The following CFAP61 variants were observed in gnomAD, a reference collection of about 807,000 sequenced individuals.
The protein encoded by CFAP61 is cilia and flagella associated protein 61, also known as cilia- and flagella-associated protein 61.
CFAP61 carries 107 observed loss-of-function variants against 135.6 expected under a neutral mutation model. The observed-to-expected ratio is 0.79, with a 90% CI of 0.67 to 0.93. The LOEUF is 0.93. Ranked by LOEUF, CFAP61 falls within the 40% of genes least tolerant of loss-of-function variation. The probability of loss-of-function intolerance (pLI) is 0.00; values close to 1 mark genes in which losing one functional copy is unlikely to be tolerated. For missense variants in CFAP61, 1,507 were observed against 1,556.2 expected (o/e 0.97, Z 0.53); for synonymous variants, 575 against 578.5 (o/e 0.99, Z 0.09).
In CFAP61 at chr20:20,252,714, G is replaced by C. The variant is rs6112839; in HGVS notation, c.2328+951G>C. Among the ~76,000 whole-genome samples the C allele has an allele frequency of 3.5e-3, 538 of 152,350 alleles. 5 individuals are homozygous for C. Among genetic ancestry groups the C allele is most frequent in the African/African-American group, 0.012 (491 of 41,582 alleles). ...TAGTTGTGGGATTCGATGCGAGCCT[G>C]TGTATGACAGTTTTCCTTCACGTCG... On this transcript the variant is annotated intron_variant, in intron 20 of 26. Coordinates refer to ENST00000245957, the MANE Select transcript of CFAP61 (RefSeq NM_015585.4).
intron 25 of CFAP61, among the ~76,000 whole-genome samples, chr20:20,329,727 G>A (rs1447835135): frequency 6.6e-6 from 1 of 152,254 alleles, no homozygotes; most frequent in African/African-American, 2.4e-5. Flanking sequence ...CGTTAGAGCA[G>A]TCAAACCACC....
At chr20:20,188,151 A>G (rs1474566933) in intron 14 of CFAP61, 95 bp downstream of exon 14, 1 of 1,326,786 alleles carries the variant, frequency 7.5e-7, no homozygotes, top group African/African-American at 1.5e-5. Context: ...TGAGTTGGAA[A>G]ATCATATGGC....
intron 7 of CFAP61, 133 bp downstream of exon 7, chr20:20,091,109 TC>T: frequency 1.0e-6 from 1 of 998,552 alleles, no homozygotes; most frequent in Non-Finnish European, 1.5e-6. Flanking sequence ...CCACTGCCCT[TC>T]CAGGTGGTGC....
At chr20:20,111,749 G>T (rs1270727956) in intron 8 of CFAP61, among the ~76,000 whole-genome samples, 1 of 152,132 alleles carries the variant, frequency 6.6e-6, no homozygotes, top group Non-Finnish European at 1.5e-5. Context: ...CGAAATTGTT[G>T]TAAGTTATAG....
At chr20:20,247,555 T>G (rs1381567892) in intron 19 of CFAP61, among the ~76,000 whole-genome samples, 2 of 152,196 alleles carry the variant, frequency 1.3e-5, no homozygotes, top group Non-Finnish European at 1.5e-5. Context: ...GTATTTACAT[T>G]TAAATTATTA....
At chr20:20,147,650 TG>T (rs2052006384) in intron 9 of CFAP61, among the ~76,000 whole-genome samples, 1 of 152,208 alleles carries the variant, frequency 6.6e-6, no homozygotes, top group African/African-American at 2.4e-5. Flanking sequence ...AGTCCTTTGT[TG>T]GGTACATAGT....
chr20:20,098,877 C>T (rs566685040), intron 8 of CFAP61, 63 bp downstream of exon 8: 2 of 1,424,176 alleles, frequency 1.4e-6, no homozygotes, highest in Non-Finnish European at 9.6e-7. Context: ...ACATTGCGCT[C>T]TTCGCTAAGT....
chr20:20,159,404 C>T lies in CFAP61; in HGVS notation c.986C>T (p.Ala329Val), dbSNP rs115322632. The T allele has an allele frequency of 6.2e-7, 1 of 1,613,994 alleles. No homozygotes were observed. The highest frequency in any genetic ancestry group is 8.5e-7 in the Non-Finnish European group (1 of 1,179,868). ...NIAREAASEE[A>V]LTAVQSGNVS... Reference sequence around the variant, plus strand: ...GCCAGAGAAGCTGCATCCGAGGAAGCTTTAACAGCAGTCCAAAGTGGAAAT... The same window carrying T: ...GCCAGAGAAGCTGCATCCGAGGAAGTTTTAACAGCAGTCCAAAGTGGAAAT... The change falls in exon 10 of 27, where the codon GCT (alanine) becomes GTT (valine). Residue 329 changes from alanine (A) to valine (V), a missense_variant. Transcript: ENST00000245957.
intron 6 of CFAP61, among the ~76,000 whole-genome samples, chr20:20,079,841 G>A (rs560097045): frequency 6.6e-6 from 1 of 152,154 alleles, no homozygotes; most frequent in Admixed American, 6.5e-5. Context: ...TGTATGAAAT[G>A]ACATTTTTAA....
At chr20:20,094,117 G>A (rs1337071478) in intron 7 of CFAP61, among the ~76,000 whole-genome samples, 1 of 152,232 alleles carries the variant, frequency 6.6e-6, no homozygotes, top group African/African-American at 2.4e-5. Context: ...TTCTGAAGGT[G>A]ACAATTGGCC....
intron 7 of CFAP61, among the ~76,000 whole-genome samples, chr20:20,092,717 G>A (rs2146621090): frequency 6.6e-6 from 1 of 152,212 alleles, no homozygotes; most frequent in Admixed American, 6.5e-5. Context: ...GATACAACTG[G>A]CCAATAAGCA....
At chr20:20,189,356 T>C (rs922802113) in intron 14 of CFAP61, among the ~76,000 whole-genome samples, 4 of 152,174 alleles carry the variant, frequency 2.6e-5, no homozygotes, top group African/African-American at 4.8e-5. Flanking sequence ...TCTCAAAGTA[T>C]GGTCTAAGGA....
intron 13 of CFAP61, among the ~76,000 whole-genome samples, chr20:20,183,553 A>G (rs570082429): frequency 6.6e-6 from 1 of 152,354 alleles, no homozygotes; most frequent in African/African-American, 2.4e-5. Flanking sequence ...CCCATTCAGT[A>G]GGAATACGCT....
At chr20:20,090,125 C>T (rs1183180842) in intron 6 of CFAP61, among the ~76,000 whole-genome samples, 1 of 152,184 alleles carries the variant, frequency 6.6e-6, no homozygotes, top group East Asian at 1.9e-4. Flanking sequence ...TGCCCCTAGT[C>T]TCTTGTCCTT....
At chr20:20,122,367 G>A (rs542447371) in intron 8 of CFAP61, among the ~76,000 whole-genome samples, 1 of 152,242 alleles carries the variant, frequency 6.6e-6, no homozygotes, top group African/African-American at 2.4e-5. Flanking sequence ...ATATTGGCCA[G>A]GCTGGTCTTG....
At chr20:20,209,083 T>C (rs2047444488) in intron 17 of CFAP61, among the ~76,000 whole-genome samples, 1 of 152,216 alleles carries the variant, frequency 6.6e-6, no homozygotes, top group South Asian at 2.1e-4. Context: ...TGCTTGCCAC[T>C]GACTTTGGCA....
chr20:20,356,927 G>A (rs1328402242), intron 26 of CFAP61, among the ~76,000 whole-genome samples: 1 of 17,488 alleles, frequency 5.7e-5, no homozygotes, highest in Non-Finnish European at 1.3e-4. Flanking sequence ...CTGAGGGGAG[G>A]TGGTCACACT....
chr20:20,356,108 GGTCACACTGAGGGGAGGTA>G (rs1472563739), intron 26 of CFAP61, among the ~76,000 whole-genome samples: 57 of 16,748 alleles, frequency 3.4e-3, no homozygotes, highest in South Asian at 0.036. Flanking sequence ...GAGGGGAGGT[GGTCACACTGAGGGGAGGTA>G]GTCACACTGA....
intron 17 of CFAP61, chr20:20,201,121 A>C (rs572918485): frequency 3.6e-6 from 1 of 275,910 alleles, no homozygotes; most frequent in East Asian, 1.7e-4. Context: ...AATTCCTGGG[A>C]AAACAAGATT....
Sources: gnomAD v4.1 joint callset for allele counts (sites outside exome capture counted in the v4.1 genomes callset) on GRCh38, gnomAD v4.1.1 for gene constraint, MANE v1.5 for transcripts, NCBI Gene and HGNC (gene_info 2026-07-23, HGNC 2026-07-21) for gene names.